Variants in LRRTM4 observed in about 807,000 individuals in gnomAD.
The protein encoded by LRRTM4 is leucine rich repeat transmembrane neuronal 4.
Under a neutral mutation model 47.6 loss-of-function variants are expected in LRRTM4, and 25 were observed. That is an observed-to-expected ratio of 0.53 (90% CI 0.38 to 0.73). The LOEUF is 0.73. LRRTM4 is among the 30% of genes least tolerant of loss of function. The pLI, the probability that LRRTM4 is intolerant of heterozygous loss-of-function variation, is 0.00. For synonymous variants in LRRTM4, 311 were observed against 269.5 expected, an observed-to-expected ratio of 1.15 and a Z score of -1.51; for missense variants, 638 against 713.4, an observed-to-expected ratio of 0.89 and a Z score of 1.20.
At chr2:77,351,614 TTATATATATATA>T (rs71656252) in intron 3 of LRRTM4, among the ~76,000 whole-genome samples, 6 of 135,400 alleles carry the variant, frequency 4.4e-5, no homozygotes, top group African/African-American at 1.7e-4. Context: ...CATGACAAAT[TTATATATATATA>T]TATATATATA....
intron 3 of LRRTM4, among the ~76,000 whole-genome samples, chr2:77,093,993 C>T (rs962428915): frequency 7.1e-6 from 1 of 139,922 alleles, no homozygotes; most frequent in Non-Finnish European, 1.5e-5. Flanking sequence ...TATAAAACTG[C>T]CCCACCCCTA....
At chr2:77,118,404 G>A (rs979379626) in intron 3 of LRRTM4, among the ~76,000 whole-genome samples, 4 of 151,858 alleles carry the variant, frequency 2.6e-5, no homozygotes, top group Admixed American at 2.0e-4. Context: ...CAGCTGATAA[G>A]CCACTAATTC....
At chr2:76,994,421 C>T (rs558436227) in intron 3 of LRRTM4, among the ~76,000 whole-genome samples, 93 of 152,032 alleles carry the variant, frequency 6.1e-4, no homozygotes, top group African/African-American at 2.1e-3. Context: ...GGGCCCTTTG[C>T]ATTTCCTTAG....
chr2:76,799,457 T>C (rs1379779588), intron 3 of LRRTM4, among the ~76,000 whole-genome samples: 1 of 139,212 alleles, frequency 7.2e-6, no homozygotes, highest in Non-Finnish European at 1.6e-5. Context: ...TATCTCAAAA[T>C]AATAAGAGCT....
intron 3 of LRRTM4, among the ~76,000 whole-genome samples, chr2:77,106,245 A>G (rs1671090085): frequency 6.6e-6 from 1 of 152,174 alleles, no homozygotes; most frequent in African/African-American, 2.4e-5. Flanking sequence ...AATCTCTTTA[A>G]AATGTAGGTA....
chr2:77,061,663 A>G lies in LRRTM4; in HGVS notation c.1552-312747T>C, dbSNP rs1409693851. Among the ~76,000 whole-genome samples, 3 of 152,140 alleles carry G rather than the reference A, an allele frequency of 2.0e-5. No homozygotes were observed. In the South Asian group the frequency reaches 6.2e-4, roughly 32 times the overall value. ...GAAAATATCATGTTCATATATACAT[A>G]TATATGTATCAAACCAACTCTCAAA... is the stretch of plus-strand genomic sequence containing the variant. On this transcript the variant is annotated intron_variant, in intron 3 of 3. Transcript: ENST00000409884.
chr2:76,879,677 TA>T (rs1672874576), intron 3 of LRRTM4, among the ~76,000 whole-genome samples: 1 of 152,184 alleles, frequency 6.6e-6, no homozygotes, highest in South Asian at 2.1e-4. Flanking sequence ...ACATACTGCT[TA>T]AGAAATATAT....
At chr2:76,802,424 A>T (rs1245130345) in intron 3 of LRRTM4, among the ~76,000 whole-genome samples, 1 of 152,146 alleles carries the variant, frequency 6.6e-6, no homozygotes, top group Non-Finnish European at 1.5e-5. Flanking sequence ...GAGGTAAAAG[A>T]TCTATATACT....
intron 3 of LRRTM4, among the ~76,000 whole-genome samples, chr2:76,858,711 T>A (rs1477261222): frequency 2.0e-5 from 3 of 152,184 alleles, no homozygotes; most frequent in Admixed American, 6.6e-5. Context: ...CTCTGGCAAT[T>A]TTGAATTATA....
At chr2:76,809,900 G>T (rs1670681454) in intron 3 of LRRTM4, among the ~76,000 whole-genome samples, 1 of 151,986 alleles carries the variant, frequency 6.6e-6, no homozygotes, top group South Asian at 2.1e-4. Flanking sequence ...TAGCTTCATG[G>T]TACCTTTCCT....
At chr2:77,133,859 T>C (rs1182202407) in intron 3 of LRRTM4, among the ~76,000 whole-genome samples, 2 of 152,218 alleles carry the variant, frequency 1.3e-5, no homozygotes, top group Non-Finnish European at 2.9e-5. Context: ...AAATTTGTGA[T>C]TGAACAAAAG....
chr2:76,882,120 G>A (rs1308279887), intron 3 of LRRTM4, among the ~76,000 whole-genome samples: 1 of 152,026 alleles, frequency 6.6e-6, no homozygotes, highest in Non-Finnish European at 1.5e-5. Context: ...AGAAGTTCAT[G>A]CCAGAGAATT....
intron 3 of LRRTM4, among the ~76,000 whole-genome samples, chr2:77,051,207 A>G (rs1679420980): frequency 6.6e-6 from 1 of 151,958 alleles, no homozygotes; most frequent in Admixed American, 6.6e-5. Context: ...TGCACAGAAA[A>G]CAGCTTCACA....
At chr2:77,069,829 C>A (rs1323700782) in intron 3 of LRRTM4, among the ~76,000 whole-genome samples, 2 of 152,150 alleles carry the variant, frequency 1.3e-5, no homozygotes, top group Non-Finnish European at 2.9e-5. Context: ...CATTCTTTAG[C>A]TTTATCATTT....
Position 77,518,801 on chromosome 2 carries a change from T to C in LRRTM4, c.1068A>G (p.Thr356=). 1.2e-6 allele frequency: 2 copies of C among 1,612,296 alleles called. No homozygotes were observed. The highest frequency in any genetic ancestry group is 1.7e-6 in the Non-Finnish European group (2 of 1,179,096). ...QGEKVSDAVE[T]YNICSEVQVV... ...CCTGGACTTCAGAACAGATATTATA[T>C]GTTTCCACTGCATCACTAACCTTTT... The change falls in exon 3 of 4, where the codon ACA becomes ACG. Residue 356 remains threonine, a synonymous_variant. Coordinates refer to ENST00000409884, the MANE Select transcript of LRRTM4 (RefSeq NM_001134745.3).
intron 3 of LRRTM4, among the ~76,000 whole-genome samples, chr2:77,352,212 A>G (rs1315890089): frequency 6.6e-6 from 1 of 152,118 alleles, no homozygotes; most frequent in East Asian, 1.9e-4. Context: ...ATAAGAGTTT[A>G]AAGCTATTTG....
chr2:76,754,757 T>G (rs1301918949), intron 3 of LRRTM4, among the ~76,000 whole-genome samples: 1 of 152,092 alleles, frequency 6.6e-6, no homozygotes, highest in Non-Finnish European at 1.5e-5. Context: ...TATAACACAG[T>G]GACAGTGACA....
At chr2:77,162,544 G>A (rs758415589) in intron 3 of LRRTM4, among the ~76,000 whole-genome samples, 2 of 152,166 alleles carry the variant, frequency 1.3e-5, no homozygotes, top group South Asian at 2.1e-4. Flanking sequence ...CCTGACCCTC[G>A]AGTAGCCTAA....
intron 3 of LRRTM4, among the ~76,000 whole-genome samples, chr2:77,143,177 T>C (rs931420669): frequency 6.6e-6 from 1 of 152,156 alleles, no homozygotes; most frequent in Non-Finnish European, 1.5e-5. Flanking sequence ...CATTTTACAG[T>C]TGGACATCTT....
Sources: allele counts gnomAD v4.1 joint callset (sites outside exome capture counted in the v4.1 genomes callset), GRCh38; gene constraint gnomAD v4.1.1; transcripts MANE v1.5; gene names NCBI Gene and HGNC (gene_info 2026-07-23, HGNC 2026-07-21).